The following TADA2A variants were observed in gnomAD, a reference collection of about 807,000 sequenced individuals.
TADA2A encodes the protein transcriptional adaptor 2A.
TADA2A carries 38 observed loss-of-function variants against 67.4 expected under a neutral mutation model. The observed-to-expected ratio is 0.56, with a 90% CI of 0.44 to 0.74. TADA2A has a LOEUF of 0.74. TADA2A is among the 30% of genes least tolerant of loss of function. The pLI, the probability that TADA2A is intolerant of heterozygous loss-of-function variation, is 0.00. For synonymous variants in TADA2A, 192 were observed against 181.6 expected (o/e 1.06, Z -0.46); for missense variants, 454 against 547.0 (o/e 0.83, Z 1.70).
chr17:37,442,989 C>T (rs936693146), intron 7 of TADA2A, among the ~76,000 whole-genome samples: 2 of 151,990 alleles, frequency 1.3e-5, no homozygotes, highest in African/African-American at 4.8e-5. Context: ...GTAGTGAGAC[C>T]CTGTCTCTAC....
chr17:37,408,870 G>A (rs1047980598), intron 1 of TADA2A, among the ~76,000 whole-genome samples: 6 of 152,170 alleles, frequency 3.9e-5, no homozygotes, highest in East Asian at 3.8e-4. Flanking sequence ...TGATGGCAGC[G>A]TTAGCAGAAA....
At chr17:37,475,860 A>C (rs528335833) in intron 15 of TADA2A, among the ~76,000 whole-genome samples, 1 of 152,354 alleles carries the variant, frequency 6.6e-6, no homozygotes, top group East Asian at 1.9e-4. Flanking sequence ...AGCCAGCCTC[A>C]TAAGAGTCAT....
intron 1 of TADA2A, among the ~76,000 whole-genome samples, chr17:37,410,363 A>T (rs1427040317): frequency 2.1e-5 from 3 of 142,616 alleles, no homozygotes; most frequent in Non-Finnish European, 3.0e-5. Flanking sequence ...TTTTTAAGAG[A>T]TGGGGTCTCC....
At chr17:37,438,507 A>G (rs1163818923) in intron 5 of TADA2A, among the ~76,000 whole-genome samples, 2 of 152,164 alleles carry the variant, frequency 1.3e-5, no homozygotes, top group African/African-American at 2.4e-5. Context: ...TACATAGCTT[A>G]TTACTGAAGG....
chr17:37,444,668 G>C, intron 7 of TADA2A, 28 bp from the exon 8 acceptor site: 4 of 1,603,232 alleles, frequency 2.5e-6, no homozygotes, highest in Middle Eastern at 1.7e-4. Context: ...TGGGTTTGGG[G>C]TGGGGATTTT....
intron 8 of TADA2A, among the ~76,000 whole-genome samples, chr17:37,446,195 G>A (rs1269890495): frequency 6.6e-6 from 1 of 150,994 alleles, no homozygotes. Context: ...ACTAAAAGAG[G>A]AAAGCTTGAA....
intron 3 of TADA2A, among the ~76,000 whole-genome samples, chr17:37,424,290 A>T (rs58987797): frequency 6.6e-6 from 1 of 151,958 alleles, no homozygotes; most frequent in African/African-American, 2.4e-5. Context: ...AAAAATAAAA[A>T]AAAATTAGCT....
At chr17:37,414,824 A>G (rs1340383820) in intron 2 of TADA2A, among the ~76,000 whole-genome samples, 1 of 152,026 alleles carries the variant, frequency 6.6e-6, no homozygotes, top group Non-Finnish European at 1.5e-5. Context: ...TTCTGGTTTA[A>G]TCTGTCCCTT....
chr17:37,465,611 T>A lies in TADA2A; in HGVS notation c.823+70T>A, dbSNP rs141558348. 110 of 1,590,538 alleles carry A rather than the reference T, an allele frequency of 6.9e-5. No individual in the cohort carries two copies. The highest frequency in any genetic ancestry group is 9.2e-5 in the Non-Finnish European group (107 of 1,167,074). The stretch of plus-strand genomic sequence containing the variant: ...TATATAAATAGGAGAGATAATGGTG[T>A]GTTTTATGTGAAGTTCTATAAATAA... On this transcript the variant is annotated intron_variant, in intron 11 of 15. Transcript: ENST00000615182.
chr17:37,411,040 ATTACT>A (rs2051849642), intron 1 of TADA2A, among the ~76,000 whole-genome samples: 1 of 152,224 alleles, frequency 6.6e-6, no homozygotes, highest in South Asian at 2.1e-4. Context: ...ACCATGCTAC[ATTACT>A]TATATGGATT....
rs1199219079 is a variant in TADA2A at position 37,413,700 on chromosome 17, C to A, written c.25+2310C>A. Among the ~76,000 whole-genome samples the A allele has an allele frequency of 2.6e-5, 4 of 152,056 alleles. No homozygotes were observed. The South Asian group carries it at 6.2e-4, about 24-fold the overall frequency. ...GTGTTGGTATTATAGGCATAAGCCA[C>A]CATGCCTGGCCCAATCTTTACTATT... On this transcript the variant is annotated intron_variant, in intron 2 of 15. Transcript: ENST00000615182.
chr17:37,430,187 C>A (rs2052529833), intron 4 of TADA2A, among the ~76,000 whole-genome samples: 1 of 152,186 alleles, frequency 6.6e-6, no homozygotes, highest in Admixed American at 6.6e-5. Context: ...AAGTTTCACT[C>A]CACATCACTT....
At chr17:37,467,429 C>A in intron 11 of TADA2A, 25 bp from the exon 12 acceptor site, 1 of 1,601,634 alleles carries the variant, frequency 6.2e-7, no homozygotes, top group South Asian at 1.1e-5. Flanking sequence ...GTAATTTTTT[C>A]CTTCATTCCT....
rs948297195 is a variant in TADA2A at position 37,444,913 on chromosome 17, G to T, written c.604+145G>T. 4 of 748,596 alleles carry T rather than the reference G, an allele frequency of 5.3e-6. No homozygotes were observed. In the Admixed American group the frequency reaches 1.0e-4, roughly 19 times the overall value. 46.4% of individuals were successfully genotyped at this position (748,596 alleles called of 1,614,324 possible). ...TAGTGGTTAAGTTGCTGAACTTACT[G>T]TGTTGTTGGATTTTGACCACAGTGA... On this transcript the variant is annotated intron_variant, in intron 8 of 15. Transcript: ENST00000615182.
intron 4 of TADA2A, among the ~76,000 whole-genome samples, chr17:37,431,305 C>T (rs1204018975): frequency 6.6e-6 from 1 of 152,082 alleles, no homozygotes; most frequent in African/African-American, 2.4e-5. Flanking sequence ...GTGAGGGTGG[C>T]TCTTGGCTCC....
intron 8 of TADA2A, among the ~76,000 whole-genome samples, chr17:37,448,042 A>G (rs1176022537): frequency 6.6e-6 from 1 of 152,186 alleles, no homozygotes; most frequent in African/African-American, 2.4e-5. Context: ...CTCTAATGAA[A>G]CATGGTACAT....
Position 37,476,788 on chromosome 17 carries a change from G to A in TADA2A, c.1147-9G>A. On this transcript the variant is annotated splice_polypyrimidine_tract_variant and intron_variant, in intron 15 of 15. Transcript: ENST00000615182. ...TGTTAATGTTTATTAAATTTGCCGT[G>A]TCTTGCAGCTCTGTCAGATGGTGAG... is the stretch of plus-strand genomic sequence containing the variant. The A allele has an allele frequency of 6.3e-7, 1 of 1,595,056 alleles. No individual in the cohort carries two copies. Among genetic ancestry groups the A allele is most frequent in the Non-Finnish European group, 8.6e-7 (1 of 1,167,302 alleles).
Position 37,418,685 on chromosome 17 carries a change from G to A in TADA2A, c.26-4824G>A, listed in dbSNP as rs560484248. 2.2e-5 allele frequency among the ~76,000 whole-genome samples: 3 copies of A among 138,078 alleles called. No individual in the cohort carries two copies. The East Asian group carries it at 7.1e-4, about 33-fold the overall frequency. The allele number at this position is 138,078 out of a possible 152,430, so 90.6% of individuals were successfully genotyped here. A position where few individuals can be genotyped will look rare whatever the true frequency, so the allele number is the denominator to read the frequency against. On this transcript the variant is annotated intron_variant, in intron 2 of 15. Transcript: ENST00000615182. ...CGGCTCACTGCAACCTCCCCCTCCT[G>A]CGTTCAAGTGATTCTCCTGCCTCAG...
At chr17:37,415,867 T>A (rs1222861881) in intron 2 of TADA2A, among the ~76,000 whole-genome samples, 1 of 107,096 alleles carries the variant, frequency 9.3e-6, no homozygotes. Flanking sequence ...AGAGTGAAAC[T>A]CCTTCTCAAA....
Sources: gnomAD v4.1 joint callset for allele counts (sites outside exome capture counted in the v4.1 genomes callset) on GRCh38, gnomAD v4.1.1 for gene constraint, MANE v1.5 for transcripts, NCBI Gene and HGNC (gene_info 2026-07-23, HGNC 2026-07-21) for gene names.